The following ZNF443 variants were observed in gnomAD, a reference collection of about 807,000 sequenced individuals.
ZNF443 encodes Kruppel-type zinc finger (C2H2).
Under a neutral mutation model 12.0 loss-of-function variants are expected in ZNF443, and 3 were observed. The ratio of observed to expected loss-of-function variants is 0.25; its 90% CI spans 0.11 to 0.64. The LOEUF (loss-of-function observed/expected upper bound fraction) is 0.64. Ranked by LOEUF, ZNF443 falls within the 30% of genes least tolerant of loss-of-function variation. ZNF443 has a pLI of 0.84. For synonymous variants in ZNF443, 225 were observed against 265.9 expected (o/e 0.85, Z 1.50); for missense variants, 770 against 808.8 (o/e 0.95, Z 0.58).
intron 1 of ZNF443, among the ~76,000 whole-genome samples, chr19:12,439,923 G>A (rs1970347454): frequency 1.3e-5 from 2 of 151,968 alleles, no homozygotes; most frequent in Non-Finnish European, 2.9e-5. Context: ...GGTTAGCCTG[G>A]GGAAGTCTCT....
In ZNF443 at chr19:12,436,129, A is replaced by G. The variant is rs571028186; in HGVS notation, c.4-2932T>C. Among the ~76,000 whole-genome samples, 30 of 145,828 alleles carry G rather than the reference A, an allele frequency of 2.1e-4. No homozygotes were observed. In the South Asian group the frequency reaches 6.9e-3, roughly 33 times the overall value. On this transcript the variant is annotated intron_variant, in intron 1 of 3. Coordinates refer to ENST00000301547, the MANE Select transcript of ZNF443 (RefSeq NM_005815.5). ...GTTCAATGAAGTAAAGGCAATGATG[A>G]ACAAATAACTAAAAGAAAACCAGAA...
chr19:12,434,090 C>T (rs7255820), intron 1 of ZNF443, among the ~76,000 whole-genome samples: 49,955 of 151,944 alleles, frequency 0.33, 8,627 homozygotes, highest in South Asian at 0.47. Flanking sequence ...AGCCTTAACC[C>T]TGGACTTCCC....
In ZNF443 at chr19:12,430,730, A is replaced by AGC. The variant is rs762588535; in HGVS notation, c.1441_1442insGC (p.Leu481ArgfsTer68). 10 of 1,490,680 alleles carry AGC rather than the reference A, an allele frequency of 6.7e-6. No individual in the cohort carries two copies. The highest frequency in any genetic ancestry group is 3.6e-4 in the Middle Eastern group (2 of 5,562). The allele number at this position is 1,490,680 out of a possible 1,614,324, so 92.3% of individuals were successfully genotyped here. A position where few individuals can be genotyped will look rare whatever the true frequency, so the allele number is the denominator to read the frequency against. On this transcript the variant is annotated frameshift_variant, in exon 4 of 4. Transcript: ENST00000301547. LOFTEE classifies it low-confidence loss of function (END_TRUNC). ...ACAGAAATCAATACAGGCTTTCCCA[A>AGC]GTTTGCATTTATAGGGTTTCTCTCC...
chr19:12,431,167 T>A lies in ZNF443; in HGVS notation c.1005A>T (p.Lys335Asn). The A allele has an allele frequency of 6.2e-7, 1 of 1,614,040 alleles. No homozygotes were observed. The highest frequency in any genetic ancestry group is 1.3e-5 in the African/African-American group (1 of 75,012). Reference protein sequence around the residue: ...QRHETTHSAEKPYACQQCGKA... With the variant: ...QRHETTHSAENPYACQQCGKA... ...TCCCACATTGCTGACATGCATAGGG[T>A]TTCTCTGCACTGTGAGTGGTTTCAT... Residue 335 changes from lysine to asparagine, a missense_variant, in exon 4 of 4, where the codon AAA (lysine) becomes AAT (asparagine). By Grantham distance (94) the Lys-to-Asn change is moderately conservative (BLOSUM62 0). Coordinates refer to ENST00000301547, the MANE Select transcript of ZNF443 (RefSeq NM_005815.5).
At chr19:12,438,678 C>A (rs374482789) in intron 1 of ZNF443, among the ~76,000 whole-genome samples, 62 of 152,186 alleles carry the variant, frequency 4.1e-4, no homozygotes, top group African/African-American at 1.4e-3. Context: ...CATCTGAAAT[C>A]ATCCGAAAAA....
At position 12,431,215 on chromosome 19, in the gene ZNF443, A is replaced by G. The variant is rs1207065704; in HGVS notation, c.957T>C (p.Ser319=). ...CATGTCTTTGAAGGGAACCGGAAAC[A>G]CTGAAGGCTTTCCCACATTGTTTAC... ...YTCKQCGKAF[S]VSGSLQRHET... Residue 319 remains serine, a synonymous_variant, in exon 4 of 4, where the codon AGT becomes AGC. Transcript: ENST00000301547. 1.2e-6 allele frequency: 2 copies of G among 1,613,860 alleles called. No homozygotes were observed. The highest frequency in any genetic ancestry group is 2.7e-5 in the African/African-American group (2 of 74,878).
rs1970357547 is a variant in ZNF443, at chr19:12,440,856, C to T, written c.3+56G>A. The T allele has an allele frequency of 2.5e-6, 4 of 1,613,534 alleles. No homozygotes were observed. The South Asian group carries it at 4.4e-5, about 18-fold the overall frequency. ...GCCCGGGTCCAGCCACAGCCGATTACGGCCGGTTCCACCTAACCCCTCCCC... is the reference window on the plus strand; with the variant it reads ...GCCCGGGTCCAGCCACAGCCGATTATGGCCGGTTCCACCTAACCCCTCCCC... On this transcript the variant is annotated intron_variant, in intron 1 of 3. Coordinates refer to ENST00000301547, the MANE Select transcript of ZNF443 (RefSeq NM_005815.5).
At position 12,430,319 on chromosome 19, in the gene ZNF443, C is replaced by T. The variant is rs769505108; in HGVS notation, c.1853G>A (p.Cys618Tyr). ...KTHTGENPYECKECGKAFASL... is the reference protein window; with the variant it reads ...KTHTGENPYEYKECGKAFASL... ...AGCAAATGCTTTCCCACATTCCTTACATTCATACGGGTTCTCTCCAGTATG... is the reference window on the plus strand; with the variant it reads ...AGCAAATGCTTTCCCACATTCCTTATATTCATACGGGTTCTCTCCAGTATG... Residue 618 changes from cysteine (C) to tyrosine (Y), a missense_variant, in exon 4 of 4, where the codon TGT (cysteine) becomes TAT (tyrosine). Cys to Tyr is a radical substitution (Grantham distance 194). Around this residue, in one of 3 missense-constraint regions of ZNF443, gnomAD observed 736 missense variants for 689.4 expected, o/e 1.07. Transcript: ENST00000301547. 6 of 1,613,550 alleles carry T rather than the reference C, an allele frequency of 3.7e-6. No individual in the cohort carries two copies. In the South Asian group the frequency reaches 6.6e-5, roughly 18 times the overall value.
At chr19:12,439,257 A>G (rs12975490) in intron 1 of ZNF443, among the ~76,000 whole-genome samples, 61,495 of 151,810 alleles carry the variant, frequency 0.41, 13,972 homozygotes, top group Non-Finnish European at 0.51. Context: ...TATGACCATG[A>G]AATTGGCTGT....
chr19:12,431,881 A>C lies in ZNF443; in HGVS notation c.291T>G (p.Leu97=), dbSNP rs757353075. 1.1e-5 allele frequency: 17 copies of C among 1,614,096 alleles called. No homozygotes were observed. The highest frequency in any genetic ancestry group is 1.4e-5 in the Non-Finnish European group (17 of 1,179,992). ...TGCTTTCACAAGGACCTACTCCAGGAAGAGTGTTCTTGGTCACAATACTAT... is the reference window on the plus strand; with the variant it reads ...TGCTTTCACAAGGACCTACTCCAGGCAGAGTGTTCTTGGTCACAATACTAT... ...IQDSIVTKNT[L]PGVGPCESSM... Residue 97 remains leucine (L), a synonymous_variant, in exon 4 of 4, where the codon CTT becomes CTG. Coordinates refer to ENST00000301547, the MANE Select transcript of ZNF443 (RefSeq NM_005815.5).
At position 12,440,962 on chromosome 19, in the gene ZNF443, C is replaced by T. The variant is rs375002658; in HGVS notation, c.-48G>A. On this transcript the variant is annotated 5_prime_UTR_variant, in exon 1 of 4. Coordinates refer to ENST00000301547, the MANE Select transcript of ZNF443 (RefSeq NM_005815.5). The stretch of plus-strand genomic sequence containing the variant: ...AGGTCCTACCGACAGCTCCCGCTGC[C>T]AATGCGTGTTCCAGCCAGACAAAGG... 1.2e-6 allele frequency: 2 copies of T among 1,613,924 alleles called. No individual in the cohort carries two copies. The highest frequency in any genetic ancestry group is 1.7e-6 in the Non-Finnish European group (2 of 1,179,862).
At chr19:12,432,540 AG>A (rs1970268069) in intron 2 of ZNF443, 103 bp from the exon 3 acceptor site, 2 of 726,228 alleles carry the variant, frequency 2.8e-6, no homozygotes, top group Admixed American at 5.8e-5. Context: ...CATTCACTGA[AG>A]TACACCTGAC....
At chr19:12,439,847 G>A (rs1440379742) in intron 1 of ZNF443, among the ~76,000 whole-genome samples, 1 of 152,024 alleles carries the variant, frequency 6.6e-6, no homozygotes, top group Non-Finnish European at 1.5e-5. Flanking sequence ...AAAACAAGAT[G>A]ACAAACTAGT....
At chr19:12,433,617 A>G (rs559216234) in intron 1 of ZNF443, among the ~76,000 whole-genome samples, 2 of 152,164 alleles carry the variant, frequency 1.3e-5, no homozygotes, top group Non-Finnish European at 2.9e-5. Flanking sequence ...GTGTCTAGAC[A>G]GTGTATTTAG....
At chr19:12,440,413 G>A (rs1170994053) in intron 1 of ZNF443, among the ~76,000 whole-genome samples, 3 of 152,166 alleles carry the variant, frequency 2.0e-5, no homozygotes, top group African/African-American at 4.8e-5. Context: ...CCCCACGAGG[G>A]AGCCCTCTCA....
At position 12,431,557 on chromosome 19, in the gene ZNF443, C is replaced by T. The variant is rs145795779; in HGVS notation, c.615G>A (p.Ala205=). The T allele has an allele frequency of 1.8e-5, 29 of 1,614,098 alleles. No individual in the cohort carries two copies. The Middle Eastern group carries it at 9.9e-4, about 55-fold the overall frequency. ...GPYKCKLCGK[A]FFWPSLLHMH... is the part of the protein sequence containing the mutation. ...TATGTAATAAACTGGGCCAAAAAAA[C>T]GCTTTCCCACACAACTTACATTTAT... The change falls in exon 4 of 4, where the codon GCG becomes GCA. Residue 205 remains alanine, a synonymous_variant. Coordinates refer to ENST00000301547, the MANE Select transcript of ZNF443 (RefSeq NM_005815.5).
Position 12,432,366 on chromosome 19 carries a change from G to A in ZNF443, c.191+11C>T. 1.3e-6 allele frequency: 2 copies of A among 1,573,106 alleles called. No homozygotes were observed. Among genetic ancestry groups the A allele is most frequent in the Non-Finnish European group, 1.7e-6 (2 of 1,151,212 alleles). ...CCAGGGACATATCTTTCTCTTGTGA[G>A]TGTAAATTACCTTAGATTTTTCCTG... On this transcript the variant is annotated intron_variant, in intron 3 of 3. Coordinates refer to ENST00000301547, the MANE Select transcript of ZNF443 (RefSeq NM_005815.5).
chr19:12,437,598 A>G (rs1489472164), intron 1 of ZNF443, among the ~76,000 whole-genome samples: 1 of 152,134 alleles, frequency 6.6e-6, no homozygotes, highest in African/African-American at 2.4e-5. Flanking sequence ...TATATCAATA[A>G]CCACTTTAAA....
chr19:12,440,461 A>AC (rs1160599686), intron 1 of ZNF443, among the ~76,000 whole-genome samples: 3 of 151,952 alleles, frequency 2.0e-5, no homozygotes, highest in African/African-American at 7.3e-5. Flanking sequence ...CCCAGGATTC[A>AC]CCCCTCACTT....
Sources: allele counts gnomAD v4.1 joint callset (sites outside exome capture counted in the v4.1 genomes callset), GRCh38; gene constraint gnomAD v4.1.1; regional missense constraint gnomAD v4.1.1; transcripts MANE v1.5; gene names NCBI Gene and HGNC (gene_info 2026-07-23, HGNC 2026-07-21).